Variants in COL14A1 observed in about 807,000 individuals in gnomAD.
COL14A1 encodes the protein collagen alpha-1(XIV) chain.
Under a neutral mutation model 230.3 loss-of-function variants are expected in COL14A1, and 136 were observed. The ratio of observed to expected loss-of-function variants is 0.59; its 90% confidence interval spans 0.51 to 0.68. The LOEUF (loss-of-function observed/expected upper bound fraction) is 0.68. Among genes scored for constraint, COL14A1 ranks in the 30% least tolerant of loss-of-function variants. The pLI is 0.00. For synonymous variants in COL14A1, 792 were observed against 784.1 expected (o/e 1.01, Z -0.17); for missense variants, 1,976 against 2,215.8 (o/e 0.89, Z 2.17).
At chr8:120,312,023 G>A (rs1821059949) in intron 37 of COL14A1, among the ~76,000 whole-genome samples, 1 of 151,988 alleles carries the variant, frequency 6.6e-6, no homozygotes, top group African/African-American at 2.4e-5. Flanking sequence ...CTTGAACCTG[G>A]GAGGCAGAGG....
At chr8:120,157,892 A>G (rs969673848) in intron 2 of COL14A1, among the ~76,000 whole-genome samples, 2 of 152,184 alleles carry the variant, frequency 1.3e-5, no homozygotes, top group African/African-American at 4.8e-5. Flanking sequence ...AGGCTGAGGC[A>G]GAGAATTGTT....
At chr8:120,278,404 G>A (rs1383933670) in intron 27 of COL14A1, 31 bp from the exon 28 acceptor site, 4 of 1,597,564 alleles carry the variant, frequency 2.5e-6, no homozygotes, top group Admixed American at 3.4e-5. Context: ...GGGAGGGAGT[G>A]AAATCAAACT....
chr8:120,287,567 G>A (rs569215891), intron 33 of COL14A1, among the ~76,000 whole-genome samples: 2 of 152,290 alleles, frequency 1.3e-5, no homozygotes, highest in African/African-American at 4.8e-5. Context: ...AGTCTTAGGT[G>A]AAGGTTAAGC....
At chr8:120,155,230 A>G (rs1049984321) in intron 2 of COL14A1, among the ~76,000 whole-genome samples, 13 of 152,228 alleles carry the variant, frequency 8.5e-5, no homozygotes, top group Non-Finnish European at 1.6e-4. Flanking sequence ...AATCATTTGT[A>G]AATTAATGAA....
chr8:120,320,138 C>T (rs1387802077), intron 40 of COL14A1, among the ~76,000 whole-genome samples: 3 of 152,106 alleles, frequency 2.0e-5, no homozygotes, highest in Non-Finnish European at 4.4e-5. Context: ...GTTTCCAAGC[C>T]CTCACTTTCC....
intron 38 of COL14A1, among the ~76,000 whole-genome samples, chr8:120,315,284 A>G (rs1178929751): frequency 1.3e-5 from 2 of 150,410 alleles, no homozygotes; most frequent in African/African-American, 4.9e-5. Flanking sequence ...GCAGGAGAAT[A>G]GCTTGGACCC....
intron 36 of COL14A1, among the ~76,000 whole-genome samples, chr8:120,306,294 C>G (rs1820856410): frequency 1.3e-5 from 2 of 152,036 alleles, no homozygotes; most frequent in Admixed American, 1.3e-4. Context: ...GTGACCTAAA[C>G]AGCAAACTTT....
chr8:120,221,486 A>G (rs1817931419), intron 14 of COL14A1, among the ~76,000 whole-genome samples: 2 of 152,252 alleles, frequency 1.3e-5, no homozygotes, highest in Middle Eastern at 3.4e-3. Context: ...TGCTGAAATT[A>G]TGTAAAATAT....
chr8:120,220,563 C>T (rs1313755386), intron 14 of COL14A1, among the ~76,000 whole-genome samples: 1 of 152,108 alleles, frequency 6.6e-6, no homozygotes, highest in African/African-American at 2.4e-5. Context: ...TGAGCCACCG[C>T]GCCCAGCCCA....
At chr8:120,237,153 C>T (rs1818469746) in intron 19 of COL14A1, among the ~76,000 whole-genome samples, 3 of 152,136 alleles carry the variant, frequency 2.0e-5, no homozygotes, top group Admixed American at 2.0e-4. Context: ...TGAATGTTGG[C>T]CTGTCTTGCT....
chr8:120,165,643 T>C (rs934358761), intron 4 of COL14A1, among the ~76,000 whole-genome samples: 1 of 152,028 alleles, frequency 6.6e-6, no homozygotes, highest in Non-Finnish European at 1.5e-5. Flanking sequence ...ATATATCTTA[T>C]ATGTGACATA....
At chr8:120,206,044 G>A (rs1323622846) in intron 9 of COL14A1, among the ~76,000 whole-genome samples, 2 of 152,082 alleles carry the variant, frequency 1.3e-5, no homozygotes, top group African/African-American at 4.8e-5. Flanking sequence ...GTATATGTTA[G>A]TTGCTTTTTC....
chr8:120,201,684 T>C (rs985426946), intron 8 of COL14A1, among the ~76,000 whole-genome samples: 2 of 152,186 alleles, frequency 1.3e-5, no homozygotes, highest in African/African-American at 4.8e-5. Context: ...AAAAAAACTT[T>C]AGACCCTGTC....
At chr8:120,367,109 G>A in intron 45 of COL14A1, 62 bp from the exon 46 acceptor site, 1 of 1,371,756 alleles carries the variant, frequency 7.3e-7, no homozygotes, top group Non-Finnish European at 9.9e-7. Flanking sequence ...CCAGAAAAAT[G>A]GAACTACCAA....
intron 5 of COL14A1, among the ~76,000 whole-genome samples, chr8:120,180,070 T>C (rs1443840080): frequency 1.3e-5 from 2 of 152,056 alleles, no homozygotes; most frequent in East Asian, 3.9e-4. Context: ...GACTTAAACA[T>C]AAGACCTGAA....
intron 1 of COL14A1, among the ~76,000 whole-genome samples, chr8:120,140,154 T>C (rs969509029): frequency 6.6e-6 from 1 of 152,226 alleles, no homozygotes; most frequent in African/African-American, 2.4e-5. Flanking sequence ...GACCTATATA[T>C]AGCAAATTAT....
chr8:120,130,820 C>T lies in COL14A1; in HGVS notation c.-38+5480C>T, dbSNP rs1298412596. Among the ~76,000 whole-genome samples the T allele has an allele frequency of 4.6e-5, 7 of 152,270 alleles. No homozygotes were observed. In the South Asian group the frequency reaches 1.5e-3, roughly 32 times the overall value. On this transcript the variant is annotated intron_variant, in intron 1 of 47. Transcript: ENST00000297848. ...TTAGGGTATGAATGATCCCATCACC[C>T]AGGTAGTGAGCATAGTACCCAAAAG...
At chr8:120,225,337 T>C in intron 15 of COL14A1, 123 bp downstream of exon 15, 1 of 802,020 alleles carries the variant, frequency 1.2e-6, no homozygotes, top group Non-Finnish European at 1.9e-6. Context: ...TTTATTTCTT[T>C]TATGTTATTA....
intron 40 of COL14A1, among the ~76,000 whole-genome samples, chr8:120,328,960 C>G (rs992165852): frequency 6.6e-6 from 1 of 152,142 alleles, no homozygotes; most frequent in African/African-American, 2.4e-5. Context: ...GCCACGGGTC[C>G]TCTGTGGGCT....
Sources: gnomAD v4.1 joint callset for allele counts (sites outside exome capture counted in the v4.1 genomes callset) on GRCh38, gnomAD v4.1.1 for gene constraint, MANE v1.5 for transcripts, NCBI Gene and HGNC (gene_info 2026-07-23, HGNC 2026-07-21) for gene names.